The following RMST variants were observed in gnomAD, a reference collection of about 807,000 sequenced individuals.
The protein encoded by RMST is long intergenic non-protein coding RNA 54.
intron 11 of RMST, among the ~76,000 whole-genome samples, chr12:97,550,356 C>A (rs193282776): frequency 6.6e-6 from 1 of 152,108 alleles, no homozygotes; most frequent in Middle Eastern, 3.2e-3. Flanking sequence ...CATGCCATCG[C>A]ACTCCAGCTT....
chr12:97,517,096 C>G (rs1037691041), intron 10 of RMST, among the ~76,000 whole-genome samples: 4 of 151,960 alleles, frequency 2.6e-5, no homozygotes, highest in Admixed American at 6.6e-5. Context: ...ATAAACTCTC[C>G]TCTTATCAGA....
rs137899963 is a variant in RMST at position 97,522,939 on chromosome 12, G to A, written n.1341-7716G>A. 6.3e-3 allele frequency among the ~76,000 whole-genome samples: 965 copies of A among 152,180 alleles called. 5 individuals are homozygous for A. Among genetic ancestry groups the A allele is most frequent in the African/African-American group, 0.022 (900 of 41,498 alleles). On this transcript the variant is annotated intron_variant and non_coding_transcript_variant, in intron 10 of 13. Transcript: ENST00000640149. ...TCCAAATTTGATTATTTTTTCATGG[G>A]TTATCCTCCAGAAAATCAAGGGCAT... is the stretch of plus-strand genomic sequence containing the variant.
chr12:97,482,685 TTATTATTTATTTAATAAATAAATTTA>T lies in RMST; in HGVS notation n.645-9762_645-9737del, dbSNP rs1180323785. Among the ~76,000 whole-genome samples, 13 of 100,672 alleles carry T rather than the reference TTATTATTTATTTAATAAATAAATTTA, an allele frequency of 1.3e-4. 1 individual carries two copies. The highest frequency in any genetic ancestry group is 3.2e-4 in the South Asian group (1 of 3,140). 66.0% of individuals were successfully genotyped at this position (100,672 alleles called of 152,430 possible). On this transcript the variant is annotated intron_variant and non_coding_transcript_variant, in intron 5 of 13. Transcript: ENST00000640149. The stretch of plus-strand genomic sequence containing the variant: ...TTTATTTATTTAATATTTAATTTAT[TTATTATTTATTTAATAAATAAATTTA>T]TATTATTTATTTATTAAATAAATTT...
intron 5 of RMST, among the ~76,000 whole-genome samples, chr12:97,480,424 A>G (rs1001130889): frequency 6.6e-6 from 1 of 152,170 alleles, no homozygotes; most frequent in Non-Finnish European, 1.5e-5. Flanking sequence ...GCTCACGATC[A>G]CTACCACTGT....
intron 11 of RMST, among the ~76,000 whole-genome samples, chr12:97,555,557 T>C (rs116820265): frequency 0.021 from 3,263 of 152,300 alleles, 128 homozygotes; most frequent in African/African-American, 0.074. Context: ...CTGTCAGCCC[T>C]CCGTGAAGTT....
At chr12:97,533,123 A>G (rs1409115252) in intron 11 of RMST, 1 of 151,784 alleles carries the variant, frequency 6.6e-6, no homozygotes, top group African/African-American at 2.4e-5. Context: ...GATAATTGGG[A>G]GCATATAGGA....
intron 5 of RMST, among the ~76,000 whole-genome samples, chr12:97,491,389 A>G (rs535256093): frequency 6.6e-6 from 1 of 152,338 alleles, no homozygotes; most frequent in South Asian, 2.1e-4. Context: ...AGGGCACGGT[A>G]CTGTCACCAG....
chr12:97,473,087 G>A (rs1874122412), intron 5 of RMST, among the ~76,000 whole-genome samples: 1 of 152,092 alleles, frequency 6.6e-6, no homozygotes, highest in African/African-American at 2.4e-5. Context: ...GAAGGGAAAA[G>A]CTATTTCTGC....
At chr12:97,527,571 A>G (rs981654412) in intron 10 of RMST, among the ~76,000 whole-genome samples, 4 of 152,130 alleles carry the variant, frequency 2.6e-5, no homozygotes, top group Non-Finnish European at 4.4e-5. Flanking sequence ...GGCAATGCCA[A>G]TTTCTCCAGG....
intron 10 of RMST, among the ~76,000 whole-genome samples, chr12:97,527,576 T>C (rs2136575337): frequency 6.6e-6 from 1 of 152,302 alleles, no homozygotes; most frequent in Middle Eastern, 3.4e-3. Flanking sequence ...TGCCAATTTC[T>C]CCAGGTCAGC....
intron 5 of RMST, among the ~76,000 whole-genome samples, chr12:97,476,320 G>A (rs1472264894): frequency 6.6e-6 from 1 of 152,184 alleles, no homozygotes; most frequent in African/African-American, 2.4e-5. Flanking sequence ...CTGCCCATTT[G>A]CAGGACACTG....
chr12:97,494,278 A>T (rs1163869601), intron 8 of RMST, among the ~76,000 whole-genome samples: 1 of 152,202 alleles, frequency 6.6e-6, no homozygotes, highest in Non-Finnish European at 1.5e-5. Context: ...AGAGTAGAGG[A>T]TTAAGGAAAA....
chr12:97,529,973 T>A (rs1202682856), intron 10 of RMST, among the ~76,000 whole-genome samples: 1 of 152,114 alleles, frequency 6.6e-6, no homozygotes, highest in Non-Finnish European at 1.5e-5. Flanking sequence ...AAAATATGAT[T>A]TGAACTTTTA....
chr12:97,467,337 T>A (rs1873316561), intron 5 of RMST, among the ~76,000 whole-genome samples: 1 of 151,980 alleles, frequency 6.6e-6, no homozygotes, highest in Non-Finnish European at 1.5e-5. Flanking sequence ...GAGCTAAAGT[T>A]ATGACATATT....
intron 10 of RMST, among the ~76,000 whole-genome samples, chr12:97,524,476 C>T (rs1565931406): frequency 6.6e-6 from 1 of 152,150 alleles, no homozygotes; most frequent in Non-Finnish European, 1.5e-5. Context: ...TGATTGGCCA[C>T]CTAATAGTGT....
intron 5 of RMST, among the ~76,000 whole-genome samples, chr12:97,469,459 A>G (rs547169115): frequency 2.3e-4 from 35 of 151,996 alleles, no homozygotes; most frequent in Non-Finnish European, 3.8e-4. Context: ...TCTAATTATG[A>G]ATGGCTAACA....
chr12:97,511,307 T>C (rs1879265335), intron 10 of RMST, among the ~76,000 whole-genome samples: 1 of 151,952 alleles, frequency 6.6e-6, no homozygotes, highest in African/African-American at 2.4e-5. Flanking sequence ...TGCCACTACA[T>C]GCTGCTGATT....
At chr12:97,513,286 C>T (rs1330930762) in intron 10 of RMST, among the ~76,000 whole-genome samples, 1 of 152,240 alleles carries the variant, frequency 6.6e-6, no homozygotes, top group Non-Finnish European at 1.5e-5. Context: ...GGACTGCCAG[C>T]ATGCTGTCAC....
chr12:97,507,276 C>CTT (rs142666185), intron 10 of RMST, among the ~76,000 whole-genome samples: 7 of 112,330 alleles, frequency 6.2e-5, no homozygotes, highest in African/African-American at 2.7e-4. Flanking sequence ...TTGTTTTTGT[C>CTT]TTTTTTTTTT....
Sources: gnomAD v4.1 joint callset for allele counts (sites outside exome capture counted in the v4.1 genomes callset) on GRCh38, gnomAD v4.1.1 for gene constraint, MANE v1.5 for transcripts, NCBI Gene and HGNC (gene_info 2026-07-23, HGNC 2026-07-21) for gene names.